MFGE8: variants seen among roughly 807,000 people sequenced by gnomAD.
MFGE8 encodes the protein milk fat globule EGF and factor V/VIII domain containing.
A neutral mutation model predicts 42.6 loss-of-function variants in MFGE8; 34 were observed. The observed-to-expected ratio is 0.80, with a 90% CI of 0.61 to 1.06. The LOEUF (loss-of-function observed/expected upper bound fraction) is 1.06, where lower values mean the gene tolerates loss of function less well. Among genes scored for constraint, MFGE8 ranks in the 50% least tolerant of loss-of-function variants. MFGE8 has a pLI of 0.00. For synonymous variants in MFGE8, 230 were observed against 214.8 expected, an observed-to-expected ratio of 1.07 and a Z score of -0.62; for missense variants, 510 against 516.9, an observed-to-expected ratio of 0.99 and a Z score of 0.13.
intron 6 of MFGE8, 29 bp downstream of exon 6, chr15:88,901,522 A>ACC: frequency 1.2e-6 from 1 of 822,438 alleles, no homozygotes; most frequent in South Asian, 1.3e-5. Context: ...ACCCAACCCC[A>ACC]GCCCCATATC....
chr15:88,913,175 C>A, intron 1 of MFGE8, 72 bp downstream of exon 1: 1 of 1,465,214 alleles, frequency 6.8e-7, no homozygotes, highest in Non-Finnish European at 9.0e-7. Flanking sequence ...AGGTGGAGGG[C>A]GGGCGCCGGG....
Position 88,898,826 on chromosome 15 carries a change from C to T in MFGE8, c.*569G>A. 5.8e-6 allele frequency: 1 copy of T among 173,550 alleles called. No homozygotes were observed. Among genetic ancestry groups the T allele is most frequent in the Non-Finnish European group, 1.3e-5 (1 of 79,606 alleles). 10.8% of individuals were successfully genotyped at this position (173,550 alleles called of 1,614,324 possible). A position where few individuals can be genotyped will look rare whatever the true frequency, so the allele number is the denominator to read the frequency against. On this transcript the variant is annotated 3_prime_UTR_variant, in exon 8 of 8. Coordinates refer to ENST00000268150, the MANE Select transcript of MFGE8 (RefSeq NM_005928.4). The stretch of plus-strand genomic sequence containing the variant: ...CCTTTCTCCCCATAGACCCGCCCCA[C>T]CCCCTTCTGTGTCGCTGGGCTTCAG...
chr15:88,904,529 A>G (rs1898576795), intron 5 of MFGE8: 1 of 152,262 alleles, frequency 6.6e-6, no homozygotes, highest in South Asian at 2.1e-4. Context: ...GATACAGGCA[A>G]CTTTAATGGC....
At chr15:88,901,428 A>G in intron 6 of MFGE8, 123 bp downstream of exon 6, 2 of 929,168 alleles carry the variant, frequency 2.2e-6, no homozygotes, top group Admixed American at 2.5e-5. Context: ...AAGAAAAACA[A>G]GGCTTTTCCA....
Position 88,906,754 on chromosome 15 carries a change from C to T in MFGE8, c.412G>A (p.Val138Ile). The change falls in exon 4 of 8, where the codon GTA becomes ATA. Residue 138 changes from valine (V) to isoleucine (I), a missense_variant. By Grantham distance (29) the Val-to-Ile change is conservative (BLOSUM62 3). Transcript: ENST00000268150. The surrounding 1 kb of genome is among the most constrained non-coding windows in gnomAD (Gnocchi z 4.2). ...IQVNLLRRMW[V>I]TGVVTQGASR... Reference sequence around the variant, plus strand: ...GCACCCTGCGTCACCACACCTGTTACCCACATCCTCCGCAGCAGGTTCACC... The same window carrying T: ...GCACCCTGCGTCACCACACCTGTTATCCACATCCTCCGCAGCAGGTTCACC... 6.2e-7 allele frequency: 1 copy of T among 1,613,260 alleles called. No homozygotes were observed.
At position 88,906,860 on chromosome 15, in the gene MFGE8, C is replaced by T. The variant is rs1898706157; in HGVS notation, c.388-82G>A. On this transcript the variant is annotated intron_variant, in intron 3 of 7. Coordinates refer to ENST00000268150, the MANE Select transcript of MFGE8 (RefSeq NM_005928.4). This position sits in a 1 kb window ranked among gnomAD's most constrained non-coding sequence, Gnocchi z 4.2. ...ATCCAAGCAGACCCATCCCTTCACT[C>T]CCCCACTGGGTGGGGGAACAACTCA... 6.5e-7 allele frequency: 1 copy of T among 1,546,374 alleles called. No homozygotes were observed. Among genetic ancestry groups the T allele is most frequent in the African/African-American group, 1.4e-5 (1 of 73,038 alleles).
rs1191444780 is a variant in MFGE8, at chr15:88,899,753, A to C, written c.929T>G (p.Phe310Cys). ...GGATGCCACAAACTGGACAGAGCCA[A>C]AGTTACGGGCCCCCTGGGTGATGAT... Reference protein sequence around the residue: ...TGIITQGARNFGSVQFVASYK... With the variant: ...TGIITQGARNCGSVQFVASYK... The change falls in exon 7 of 8, where the codon TTT becomes TGT. Residue 310 changes from phenylalanine (F) to cysteine (C), a missense_variant. Physicochemically the swap from Phe to Cys is radical, Grantham distance 205. Coordinates refer to ENST00000268150, the MANE Select transcript of MFGE8 (RefSeq NM_005928.4). The surrounding 1 kb of genome is among the most constrained non-coding windows in gnomAD (Gnocchi z 6.8). The C allele has an allele frequency of 6.2e-7, 1 of 1,614,170 alleles. No individual in the cohort carries two copies. The highest frequency in any genetic ancestry group is 8.5e-7 in the Non-Finnish European group (1 of 1,180,010).
chr15:88,906,711 T>G lies in MFGE8; in HGVS notation c.455A>C (p.His152Pro). 6.2e-7 allele frequency: 1 copy of G among 1,613,946 alleles called. No individual in the cohort carries two copies. Among genetic ancestry groups the G allele is most frequent in the South Asian group, 1.1e-5 (1 of 91,074 alleles). Residue 152 changes from histidine to proline, a missense_variant, in exon 4 of 8, where the codon CAT becomes CCT. Transcript: ENST00000268150. This position sits in a 1 kb window ranked among gnomAD's most constrained non-coding sequence, Gnocchi z 4.2. ...CACCTTGAAGGCCTTCAGGTACTCA[T>G]GACTGGCCAAGCGGCTGGCACCCTG... ...VTQGASRLAS[H>P]EYLKAFKVAY... is the part of the protein sequence containing the mutation.
In MFGE8 at chr15:88,901,243, TCA is replaced by T. The variant is rs1181427858; in HGVS notation, c.870+306_870+307del. Reference sequence around the variant, plus strand: ...CACACATACACATTCACACACACATTCACACGCACGCATTCACACGCACGCAT... The same window carrying T: ...CACACATACACATTCACACACACATTCACGCACGCATTCACACGCACGCAT... On this transcript the variant is annotated intron_variant, in intron 6 of 7. Coordinates refer to ENST00000268150, the MANE Select transcript of MFGE8 (RefSeq NM_005928.4). Among the ~76,000 whole-genome samples, 2 of 81,178 alleles carry T rather than the reference TCA, an allele frequency of 2.5e-5. 1 individual carries two copies. The highest frequency in any genetic ancestry group is 6.0e-5 in the Non-Finnish European group (2 of 33,360). 53.3% of individuals were successfully genotyped at this position (81,178 alleles called of 152,430 possible).
chr15:88,899,553 A>C lies in MFGE8; in HGVS notation c.1027-21T>G. On this transcript the variant is annotated intron_variant, in intron 7 of 7. Coordinates refer to ENST00000268150, the MANE Select transcript of MFGE8 (RefSeq NM_005928.4). This position sits in a 1 kb window ranked among gnomAD's most constrained non-coding sequence, Gnocchi z 6.8. Reference sequence around the variant, plus strand: ...AAGATCTAGAGGCAGAGCGGGTGTCAGGAGGACCCCGAGCCAGCCCCCCTC... The same window carrying C: ...AAGATCTAGAGGCAGAGCGGGTGTCCGGAGGACCCCGAGCCAGCCCCCCTC... 1 of 1,614,174 alleles carries C rather than the reference A, an allele frequency of 6.2e-7. No individual in the cohort carries two copies. The highest frequency in any genetic ancestry group is 8.5e-7 in the Non-Finnish European group (1 of 1,180,016).
At chr15:88,907,493 G>A (rs1898747495) in intron 2 of MFGE8, 117 bp from the exon 3 acceptor site, 1 of 874,820 alleles carries the variant, frequency 1.1e-6, no homozygotes, top group South Asian at 1.4e-5. Flanking sequence ...CAGGGCCAGG[G>A]AGAACCTCAG....
Position 88,905,041 on chromosome 15 carries a change from C to T in MFGE8, c.685+716G>A, listed in dbSNP as rs1208854482. On this transcript the variant is annotated intron_variant, in intron 5 of 7. Transcript: ENST00000268150. The surrounding 1 kb of genome is among the most constrained non-coding windows in gnomAD (Gnocchi z 6.6). ...GCCCAAACCCGGCACTCTGACCTCG[C>T]CCAGGCTGTCCCCTGGCTCTGCAGA... 6.1e-6 allele frequency: 1 copy of T among 163,796 alleles called. No homozygotes were observed. Among genetic ancestry groups the T allele is most frequent in the Non-Finnish European group, 1.3e-5 (1 of 74,982 alleles). The allele number at this position is 163,796 out of a possible 1,614,324, so 10.1% of individuals were successfully genotyped here.
chr15:88,900,361 C>T lies in MFGE8; in HGVS notation c.871-550G>A, dbSNP rs115778571. Among the ~76,000 whole-genome samples, 1,210 of 152,270 alleles carry T rather than the reference C, an allele frequency of 7.9e-3. 12 individuals carry two copies. Among genetic ancestry groups the T allele is most frequent in the African/African-American group, 0.027 (1,103 of 41,544 alleles). On this transcript the variant is annotated intron_variant, in intron 6 of 7. Coordinates refer to ENST00000268150, the MANE Select transcript of MFGE8 (RefSeq NM_005928.4). ...AGGGTCTGGGCCCTGGCCAACTCCA[C>T]GCCAACCACCCCTGCCTGAGACCTG...
At chr15:88,909,247 G>C (rs1191726887) in intron 2 of MFGE8, among the ~76,000 whole-genome samples, 1 of 152,188 alleles carries the variant, frequency 6.6e-6, no homozygotes, top group East Asian at 1.9e-4. Context: ...CAAGGCCTCT[G>C]ACCACCTGAC....
chr15:88,908,273 C>T (rs547413042), intron 2 of MFGE8, among the ~76,000 whole-genome samples: 33 of 152,276 alleles, frequency 2.2e-4, no homozygotes, highest in African/African-American at 7.5e-4. Context: ...ACATCACAGG[C>T]GCGGACGAGC....
chr15:88,909,386 C>A (rs1898849458), intron 2 of MFGE8, among the ~76,000 whole-genome samples: 1 of 152,160 alleles, frequency 6.6e-6, no homozygotes, highest in Non-Finnish European at 1.5e-5. Flanking sequence ...AGTTCCTGGG[C>A]CTCAAAAGAC....
rs375301960 is a variant in MFGE8, at chr15:88,901,117, A to T, written c.870+434T>A. 3.2e-5 allele frequency among the ~76,000 whole-genome samples: 2 copies of T among 61,830 alleles called. 1 individual carries two copies. Among genetic ancestry groups the T allele is most frequent in the Non-Finnish European group, 9.2e-5 (2 of 21,632 alleles). The allele number at this position is 61,830 out of a possible 152,430, so 40.6% of individuals were successfully genotyped here. A position where few individuals can be genotyped will look rare whatever the true frequency, so the allele number is the denominator to read the frequency against. On this transcript the variant is annotated intron_variant, in intron 6 of 7. Transcript: ENST00000268150. ...CATTCACAAATACACATTCACACAT[A>T]CACATTCACACACACACATTCACAC...
chr15:88,911,640 T>C (rs1270646739), intron 1 of MFGE8, among the ~76,000 whole-genome samples: 1 of 151,238 alleles, frequency 6.6e-6, no homozygotes, highest in Non-Finnish European at 1.5e-5. Flanking sequence ...GGAAAGAGAA[T>C]GGCATGAACC....
In MFGE8 at chr15:88,907,432, C is replaced by A. The variant is rs543394671; in HGVS notation, c.206-56G>T. On this transcript the variant is annotated intron_variant, in intron 2 of 7. Coordinates refer to ENST00000268150, the MANE Select transcript of MFGE8 (RefSeq NM_005928.4). ...TACCCCAGCAGGTTCCCGGGCCCAG[C>A]TGGGACCCAGCGGACAAGAAAATAA... is the stretch of plus-strand genomic sequence containing the variant. 7 of 1,538,418 alleles carry A rather than the reference C, an allele frequency of 4.6e-6. No individual in the cohort carries two copies. The East Asian group carries it at 1.3e-4, about 30-fold the overall frequency.
Sources: gnomAD v4.1 joint callset for allele counts (sites outside exome capture counted in the v4.1 genomes callset) on GRCh38, gnomAD v4.1.1 for gene constraint, Gnocchi (gnomAD v3.1) non-coding constraint, MANE v1.5 for transcripts, NCBI Gene and HGNC (gene_info 2026-07-23, HGNC 2026-07-21) for gene names.